Variants in VTI1A observed in about 807,000 individuals in gnomAD.
The protein encoded by VTI1A is vesicle transport through interaction with t-SNAREs homolog 1A.
VTI1A carries 22 observed loss-of-function variants against 34.9 expected under a neutral mutation model. The observed-to-expected ratio is 0.63, with a 90% CI of 0.45 to 0.90. The LOEUF (loss-of-function observed/expected upper bound fraction) is 0.90. VTI1A is among the 40% of genes least tolerant of loss of function. VTI1A has a pLI of 0.00. For missense variants in VTI1A, 268 were observed against 275.6 expected (o/e 0.97, Z 0.20); for synonymous variants, 87 against 97.3 (o/e 0.89, Z 0.62).
intron 3 of VTI1A, among the ~76,000 whole-genome samples, chr10:112,503,701 G>A (rs1483486531): frequency 6.6e-6 from 1 of 152,106 alleles, no homozygotes; most frequent in Non-Finnish European, 1.5e-5. Flanking sequence ...GAAATCATCT[G>A]GTATCACTGA....
chr10:112,467,480 CA>C (rs1231333757), intron 3 of VTI1A, among the ~76,000 whole-genome samples: 3 of 151,902 alleles, frequency 2.0e-5, no homozygotes, highest in East Asian at 3.9e-4. Context: ...AAAAAAATAG[CA>C]AAAAACCTCA....
At chr10:112,546,035 T>TATACGTGTATATACGTGTATACGC (rs1491122901) in intron 5 of VTI1A, among the ~76,000 whole-genome samples, 5 of 144,760 alleles carry the variant, frequency 3.5e-5, no homozygotes, top group African/African-American at 8.1e-5. Flanking sequence ...TATACGCGTA[T>TATACGTGTATATACGTGTATACGC]GTGTGTGTAT....
intron 5 of VTI1A, among the ~76,000 whole-genome samples, chr10:112,622,173 G>GT (rs1223390052): frequency 6.6e-6 from 1 of 152,274 alleles, no homozygotes; most frequent in East Asian, 1.9e-4. Flanking sequence ...GCACAGAAAT[G>GT]TATCAACAAC....
In VTI1A at chr10:112,721,843, G is replaced by A. The variant is rs150582895; in HGVS notation, c.560+52845G>A. On this transcript the variant is annotated intron_variant, in intron 7 of 7. Transcript: ENST00000393077. ...ATGAAATGTGTTGTCTTATGAAGGA[G>A]TGAGGCCTCTTGTCATTGAACTGTT... is the stretch of plus-strand genomic sequence containing the variant. Among the ~76,000 whole-genome samples the A allele has an allele frequency of 5.2e-3, 796 of 152,336 alleles. 7 individuals carry two copies. The highest frequency in any genetic ancestry group is 0.018 in the African/African-American group (766 of 41,572).
chr10:112,531,061 C>CCACACACACACACACACA (rs748909123), intron 4 of VTI1A, among the ~76,000 whole-genome samples: 13 of 90,316 alleles, frequency 1.4e-4, no homozygotes, highest in Admixed American at 9.4e-4. Flanking sequence ...ACGTGACACA[C>CCACACACACACACACACA]CTCACACACA....
At chr10:112,768,663 C>G (rs1851714593) in intron 7 of VTI1A, among the ~76,000 whole-genome samples, 1 of 152,158 alleles carries the variant, frequency 6.6e-6, no homozygotes, top group African/African-American at 2.4e-5. Flanking sequence ...AAGTGCAGTT[C>G]ATGATCCCAG....
intron 5 of VTI1A, among the ~76,000 whole-genome samples, chr10:112,552,495 C>T (rs995711475): frequency 3.3e-5 from 5 of 152,008 alleles, no homozygotes; most frequent in African/African-American, 9.7e-5. Flanking sequence ...AAGAGATGCA[C>T]GAGTTTTTCT....
At position 112,733,725 on chromosome 10, in the gene VTI1A, A is replaced by ATTATTTTATTTTATTTTATT. The variant is rs71035398; in HGVS notation, c.560+64756_560+64775dup. Among the ~76,000 whole-genome samples, 828 of 128,540 alleles carry ATTATTTTATTTTATTTTATT rather than the reference A, an allele frequency of 6.4e-3. 18 individuals are homozygous for ATTATTTTATTTTATTTTATT. Among genetic ancestry groups the ATTATTTTATTTTATTTTATT allele is most frequent in the African/African-American group, 8.3e-3 (230 of 27,552 alleles). The allele number at this position is 128,540 out of a possible 152,430, so 84.3% of individuals were successfully genotyped here. A position where few individuals can be genotyped will look rare whatever the true frequency, so the allele number is the denominator to read the frequency against. On this transcript the variant is annotated intron_variant, in intron 7 of 7. Transcript: ENST00000393077. Reference sequence around the variant, plus strand: ...ATACTGCTAGTCAGTTCTCATTTACATTATTTTATTTTATTTTATTTTATT... The same window carrying ATTATTTTATTTTATTTTATT: ...ATACTGCTAGTCAGTTCTCATTTACATTATTTTATTTTATTTTATTTTATTTTATTTTATTTTATTTTATT...
rs117669021 is a variant in VTI1A, at chr10:112,449,020, G to A, written c.94+1553G>A. The A allele has an allele frequency of 2.6e-5, 4 of 152,372 alleles. No homozygotes were observed. In the East Asian group the frequency reaches 7.7e-4, roughly 29 times the overall value. 9.4% of individuals were successfully genotyped at this position (152,372 alleles called of 1,614,324 possible). The stretch of plus-strand genomic sequence containing the variant: ...AAGGGAACAAGAGGAGAGAACCAAG[G>A]TAGTATATACCACCAAGCTCTGCTG... On this transcript the variant is annotated intron_variant, in intron 1 of 7. Coordinates refer to ENST00000393077, the MANE Select transcript of VTI1A (RefSeq NM_145206.4).
chr10:112,819,089 G>A (rs1276843429), downstream of VTI1A, among the ~76,000 whole-genome samples: 1 of 152,204 alleles, frequency 6.6e-6, no homozygotes, highest in Non-Finnish European at 1.5e-5. Flanking sequence ...ATGCAGAAGA[G>A]AAAAATAATT....
intron 5 of VTI1A, among the ~76,000 whole-genome samples, chr10:112,629,346 A>G (rs112435068): frequency 2.6e-4 from 39 of 152,276 alleles, no homozygotes; most frequent in African/African-American, 8.2e-4. Context: ...AGAAAAAGAG[A>G]TTTTCCTCCT....
the VTI1A span, chr10:112,827,298 G>C: frequency 6.6e-6 from 1 of 151,862 alleles, no homozygotes; most frequent in Non-Finnish European, 1.5e-5. Flanking sequence ...ATGATGGTGC[G>C]ATTACATTAT....
chr10:112,836,761 G>A, the VTI1A span, among the ~76,000 whole-genome samples: 1 of 152,146 alleles, frequency 6.6e-6, no homozygotes, highest in African/African-American at 2.4e-5. Flanking sequence ...CGGGGAGGGG[G>A]TATGGAATCC....
intron 3 of VTI1A, among the ~76,000 whole-genome samples, chr10:112,512,776 C>G (rs1849656930): frequency 6.6e-6 from 1 of 152,062 alleles, no homozygotes; most frequent in Non-Finnish European, 1.5e-5. Flanking sequence ...AGCTGATGTT[C>G]CCAGCACCAT....
the VTI1A span, among the ~76,000 whole-genome samples, chr10:112,829,458 A>AT: frequency 6.2e-5 from 9 of 145,298 alleles, no homozygotes; most frequent in South Asian, 1.1e-3. Context: ...AAAAAAAAAA[A>AT]TCTATTGATT....
chr10:112,655,153 G>T (rs371496673), intron 5 of VTI1A, among the ~76,000 whole-genome samples: 1 of 152,084 alleles, frequency 6.6e-6, no homozygotes, highest in Non-Finnish European at 1.5e-5. Context: ...ATACACACCC[G>T]TACTGAATTA....
At chr10:112,485,926 A>G (rs569164480) in intron 3 of VTI1A, among the ~76,000 whole-genome samples, 7 of 152,220 alleles carry the variant, frequency 4.6e-5, no homozygotes, top group South Asian at 4.1e-4. Context: ...GCAGAGATGT[A>G]TATATTTTTC....
At chr10:112,821,972 G>A (rs771635655), downstream of VTI1A, among the ~76,000 whole-genome samples, 32 of 152,320 alleles carry the variant, frequency 2.1e-4, no homozygotes, top group Middle Eastern at 6.8e-3. Context: ...TAGAGAGGCC[G>A]TCCTGTGGTT....
chr10:112,713,138 C>A (rs1023138573), intron 7 of VTI1A, among the ~76,000 whole-genome samples: 1 of 152,144 alleles, frequency 6.6e-6, no homozygotes, highest in Non-Finnish European at 1.5e-5. Context: ...TTGAGATGGA[C>A]CCATGGTCCA....
Sources: gnomAD v4.1 joint callset for allele counts (sites outside exome capture counted in the v4.1 genomes callset) on GRCh38, gnomAD v4.1.1 for gene constraint, MANE v1.5 for transcripts, NCBI Gene and HGNC (gene_info 2026-07-23, HGNC 2026-07-21) for gene names.